Variants in RASA1 observed in about 807,000 individuals in gnomAD.
The protein encoded by RASA1 is RAS p21 protein activator 1, also known as ras GTPase-activating protein 1.
Under a neutral mutation model 132.2 loss-of-function variants are expected in RASA1, and 25 were observed. The observed-to-expected ratio is 0.19, with a 90% confidence interval of 0.14 to 0.26. The LOEUF is 0.26. Among genes scored for constraint, RASA1 ranks in the 10% least tolerant of loss-of-function variants. The pLI is 1.00. For synonymous variants in RASA1, 477 were observed against 449.9 expected, an observed-to-expected ratio of 1.06 and a Z score of -0.76; for missense variants, 964 against 1,299.2, an observed-to-expected ratio of 0.74 and a Z score of 3.97.
chr5:87,379,226 G>A lies in RASA1; in HGVS notation c.2488-509G>A, dbSNP rs532898003. 4.9e-4 allele frequency among the ~76,000 whole-genome samples: 75 copies of A among 152,282 alleles called. 1 individual carries two copies. Among genetic ancestry groups the A allele is most frequent in the Admixed American group, 2.2e-3 (33 of 15,294 alleles). ...AAATTAGTGATTTAATGTTGGAAAT[G>A]TGGGGTAATGCCATAGTTGGCCTAA... On this transcript the variant is annotated intron_variant, in intron 18 of 24. Coordinates refer to ENST00000274376, the MANE Select transcript of RASA1 (RefSeq NM_002890.3).
chr5:87,366,836 A>G (rs1222816173), intron 11 of RASA1, among the ~76,000 whole-genome samples: 1 of 152,154 alleles, frequency 6.6e-6, no homozygotes, highest in East Asian at 1.9e-4. Flanking sequence ...GTTGGAGACC[A>G]GCCTGGGCCT....
intron 20 of RASA1, among the ~76,000 whole-genome samples, chr5:87,381,402 C>T (rs950052662): frequency 6.6e-6 from 1 of 152,096 alleles, no homozygotes; most frequent in Non-Finnish European, 1.5e-5. Flanking sequence ...AAGTTTAATG[C>T]GAAAGCGTCA....
Position 87,349,362 on chromosome 5 carries a change from C to T in RASA1, c.1251C>T (p.Asn417=). The change falls in exon 8 of 25, where the codon AAC becomes AAT. Residue 417 remains asparagine, a splice_region_variant and synonymous_variant. Coordinates refer to ENST00000274376, the MANE Select transcript of RASA1 (RefSeq NM_002890.3). ...NQFMMGGRYY[N]SIGDIIDHYR... is the part of the protein sequence containing the mutation. ...TTATGATGGGAGGCCGGTATTATAA[C>T]AGGTAAATCATAATTTTTTAGCTAT... 1.2e-6 allele frequency: 2 copies of T among 1,611,290 alleles called. No homozygotes were observed. The highest frequency in any genetic ancestry group is 1.7e-6 in the Non-Finnish European group (2 of 1,178,200).
chr5:87,361,399 T>A (rs983808587), intron 9 of RASA1, among the ~76,000 whole-genome samples: 1 of 152,206 alleles, frequency 6.6e-6, no homozygotes, highest in Non-Finnish European at 1.5e-5. Context: ...AACAGCATAA[T>A]GTTTCAAGAT....
At chr5:87,376,819 G>T in intron 16 of RASA1, 62 bp from the exon 17 acceptor site, 1 of 1,480,168 alleles carries the variant, frequency 6.8e-7, no homozygotes, top group Non-Finnish European at 9.4e-7. Context: ...TTTCTTGTTA[G>T]TCTCATGGAG....
At chr5:87,303,751 T>C (rs1318599013) in intron 1 of RASA1, among the ~76,000 whole-genome samples, 1 of 151,806 alleles carries the variant, frequency 6.6e-6, no homozygotes, top group African/African-American at 2.4e-5. Context: ...ATATATATAA[T>C]TCATAATTCT....
chr5:87,380,349 C>A (rs1761621971), intron 19 of RASA1, among the ~76,000 whole-genome samples, 160 bp from the exon 20 acceptor site: 1 of 151,940 alleles, frequency 6.6e-6, no homozygotes, highest in Admixed American at 6.6e-5. Context: ...TTTTCCTTAC[C>A]CCTTGCTAAA....
At chr5:87,365,612 A>T (rs1372930084) in intron 11 of RASA1, among the ~76,000 whole-genome samples, 1 of 152,120 alleles carries the variant, frequency 6.6e-6, no homozygotes, top group Non-Finnish European at 1.5e-5. Flanking sequence ...ACTACTTTAT[A>T]ATTAGCCTTA....
At position 87,267,973 on chromosome 5, in the gene RASA1, C is replaced by G. The variant is rs541166377; in HGVS notation, c.-479C>G. ...CTTGCCCCCCCACCCCTCTCATCTG[C>G]CTGGTGGAGGATGAAGCGGCTGCAG... On this transcript the variant is annotated 5_prime_UTR_variant, in exon 1 of 25. Coordinates refer to ENST00000274376, the MANE Select transcript of RASA1 (RefSeq NM_002890.3). 2.1e-4 allele frequency: 49 copies of G among 233,792 alleles called. No homozygotes were observed. The highest frequency in any genetic ancestry group is 1.3e-3 in the Middle Eastern group (1 of 772). The allele number at this position is 233,792 out of a possible 1,614,324, so 14.5% of individuals were successfully genotyped here.
At chr5:87,269,886 G>C (rs1482843448) in intron 1 of RASA1, among the ~76,000 whole-genome samples, 1 of 152,084 alleles carries the variant, frequency 6.6e-6, no homozygotes, top group Non-Finnish European at 1.5e-5. Context: ...TGTTGAGATG[G>C]GAAGTGTTAT....
At chr5:87,352,576 T>C (rs1759353439) in intron 8 of RASA1, among the ~76,000 whole-genome samples, 1 of 151,852 alleles carries the variant, frequency 6.6e-6, no homozygotes, top group African/African-American at 2.4e-5. Flanking sequence ...TTTCCCAATA[T>C]TTCCCAATTT....
chr5:87,315,755 A>G (rs1180016695), intron 1 of RASA1, among the ~76,000 whole-genome samples: 2 of 152,198 alleles, frequency 1.3e-5, no homozygotes, highest in Non-Finnish European at 2.9e-5. Context: ...GTCTGCTTCC[A>G]TTATTTTTGT....
intron 1 of RASA1, among the ~76,000 whole-genome samples, chr5:87,287,257 A>G (rs1357495429): frequency 6.8e-6 from 1 of 147,896 alleles, no homozygotes; most frequent in Admixed American, 6.8e-5. Context: ...GTATATATAC[A>G]CACCATATAC....
chr5:87,333,142 A>T, intron 3 of RASA1, 125 bp from the exon 4 acceptor site: 1 of 1,409,790 alleles, frequency 7.1e-7, no homozygotes, highest in Non-Finnish European at 9.4e-7. Context: ...CCAAGTAAAA[A>T]TTTATTTGAA....
chr5:87,311,977 T>C (rs1210633787), intron 1 of RASA1, among the ~76,000 whole-genome samples: 2 of 152,246 alleles, frequency 1.3e-5, no homozygotes, highest in Non-Finnish European at 2.9e-5. Context: ...ACTGGGTTAT[T>C]AATCCTTTAC....
At chr5:87,379,161 G>A (rs1338311992) in intron 18 of RASA1, among the ~76,000 whole-genome samples, 3 of 152,126 alleles carry the variant, frequency 2.0e-5, no homozygotes, top group East Asian at 3.8e-4. Context: ...TGTTAATCCT[G>A]CACGAAGGTG....
intron 1 of RASA1, among the ~76,000 whole-genome samples, chr5:87,287,487 C>CAT (rs1348108716): frequency 7.5e-6 from 1 of 132,854 alleles, no homozygotes; most frequent in Non-Finnish European, 1.6e-5. Flanking sequence ...ATATACACAC[C>CAT]ATATATATAC....
At chr5:87,270,829 G>T (rs1219988309) in intron 1 of RASA1, among the ~76,000 whole-genome samples, 2 of 151,976 alleles carry the variant, frequency 1.3e-5, no homozygotes, top group African/African-American at 2.4e-5. Context: ...CAGCCAACGG[G>T]ATGTAGTATT....
At chr5:87,366,811 C>T (rs576817150) in intron 11 of RASA1, among the ~76,000 whole-genome samples, 26 of 152,278 alleles carry the variant, frequency 1.7e-4, no homozygotes, top group African/African-American at 5.8e-4. Flanking sequence ...GTGGGCTGAT[C>T]GCTTAAGCTC....
Sources: allele counts gnomAD v4.1 joint callset (sites outside exome capture counted in the v4.1 genomes callset), GRCh38; gene constraint gnomAD v4.1.1; transcripts MANE v1.5; gene names NCBI Gene and HGNC (gene_info 2026-07-23, HGNC 2026-07-21).